The following SEPHS1 variants were observed in gnomAD, a reference collection of about 807,000 sequenced individuals.
SEPHS1 encodes zincore component SEPHS1.
A neutral mutation model predicts 39.2 loss-of-function variants in SEPHS1; 7 were observed. The observed-to-expected ratio is 0.18, with a 90% CI of 0.10 to 0.34. The LOEUF (loss-of-function observed/expected upper bound fraction) is 0.34, where lower values mean the gene tolerates loss of function less well. SEPHS1 is among the 10% of genes least tolerant of loss of function. SEPHS1 has a pLI of 1.00. For synonymous variants in SEPHS1, 190 were observed against 195.5 expected (o/e 0.97, Z 0.23); for missense variants, 253 against 514.5 (o/e 0.49, Z 4.92).
At chr10:13,346,731 AAAAG>A (rs1194226962) in intron 1 of SEPHS1, among the ~76,000 whole-genome samples, 2 of 152,188 alleles carry the variant, frequency 1.3e-5, no homozygotes, top group Non-Finnish European at 2.9e-5. Context: ...AAAAAAAAGA[AAAAG>A]AAAAAATCCA....
intron 7 of SEPHS1, among the ~76,000 whole-genome samples, chr10:13,324,498 A>G (rs1431384050): frequency 6.6e-6 from 1 of 152,264 alleles, no homozygotes; most frequent in Non-Finnish European, 1.5e-5. Context: ...TAGTTTCATA[A>G]GAAACTGCCA....
rs748578475 is a variant in SEPHS1, at chr10:13,338,862, T to C, written c.194-54A>G. On this transcript the variant is annotated intron_variant, in intron 2 of 8. Transcript: ENST00000327347. ...AAAATAAAACGGGAAAGCCATTTCA[T>C]TTTATATCACCAGTGCTCTGAACAG... 3.9e-6 allele frequency: 5 copies of C among 1,279,140 alleles called. No homozygotes were observed. In the East Asian group the frequency reaches 9.2e-5, roughly 24 times the overall value. 79.2% of individuals were successfully genotyped at this position (1,279,140 alleles called of 1,614,324 possible).
At chr10:13,327,710 G>A (rs112278443) in intron 7 of SEPHS1, among the ~76,000 whole-genome samples, 17 of 152,322 alleles carry the variant, frequency 1.1e-4, no homozygotes, top group African/African-American at 4.1e-4. Context: ...GCCTCAGAGG[G>A]CTGGGCCAAG....
intron 5 of SEPHS1, among the ~76,000 whole-genome samples, chr10:13,333,388 C>T (rs956627771): frequency 6.6e-6 from 1 of 151,740 alleles, no homozygotes; most frequent in Non-Finnish European, 1.5e-5. Flanking sequence ...CCGCCTTGGC[C>T]TCCAAAAGCG....
At chr10:13,324,824 G>A (rs578186455) in intron 7 of SEPHS1, among the ~76,000 whole-genome samples, 11 of 152,296 alleles carry the variant, frequency 7.2e-5, no homozygotes, top group Non-Finnish European at 1.3e-4. Context: ...ATGTTGCCCA[G>A]GCTATTCTCA....
chr10:13,326,726 G>T (rs532338756), intron 7 of SEPHS1, among the ~76,000 whole-genome samples: 2 of 152,062 alleles, frequency 1.3e-5, no homozygotes, highest in East Asian at 3.9e-4. Flanking sequence ...ACGAGATGGG[G>T]TCTCACTATG....
intron 7 of SEPHS1, among the ~76,000 whole-genome samples, chr10:13,324,165 T>C (rs1010132482): frequency 3.3e-5 from 5 of 152,238 alleles, no homozygotes; most frequent in African/African-American, 1.2e-4. Flanking sequence ...GTCATGCAGT[T>C]GGAATCCTTC....
chr10:13,325,950 A>ATAATAATAAT (rs1452385888), intron 7 of SEPHS1, among the ~76,000 whole-genome samples: 1 of 61,480 alleles, frequency 1.6e-5, no homozygotes, highest in African/African-American at 5.7e-5. Flanking sequence ...CAGTCTCAAA[A>ATAATAATAAT]AAAAAAAAAA....
At chr10:13,342,603 G>A (rs1438592612) in intron 2 of SEPHS1, among the ~76,000 whole-genome samples, 1 of 152,056 alleles carries the variant, frequency 6.6e-6, no homozygotes, top group African/African-American at 2.4e-5. Flanking sequence ...ACAAAAAAAA[G>A]GTCAAAAACA....
intron 3 of SEPHS1, 114 bp from the exon 4 acceptor site, chr10:13,336,464 G>A: frequency 2.6e-6 from 2 of 763,824 alleles, no homozygotes; most frequent in Non-Finnish European, 4.6e-6. Flanking sequence ...AGGAGTAGCA[G>A]CTACTAGGAT....
intron 8 of SEPHS1, among the ~76,000 whole-genome samples, chr10:13,319,661 G>A (rs1442190705): frequency 6.6e-6 from 1 of 152,128 alleles, no homozygotes; most frequent in Non-Finnish European, 1.5e-5. Flanking sequence ...CTAATTTTCT[G>A]TAGAGACAAG....
intron 3 of SEPHS1, among the ~76,000 whole-genome samples, chr10:13,336,715 G>A (rs2130678738): frequency 6.6e-6 from 1 of 152,348 alleles, no homozygotes; most frequent in Non-Finnish European, 1.5e-5. Flanking sequence ...CTTGGGGGAA[G>A]AGCTATGGAG....
intron 5 of SEPHS1, among the ~76,000 whole-genome samples, chr10:13,332,009 T>G (rs1833486190): frequency 6.6e-6 from 1 of 152,184 alleles, no homozygotes; most frequent in Non-Finnish European, 1.5e-5. Flanking sequence ...TTAAACATAA[T>G]TACCACATGA....
chr10:13,319,418 C>G, intron 8 of SEPHS1, 62 bp from the exon 9 acceptor site: 3 of 1,554,408 alleles, frequency 1.9e-6, no homozygotes, highest in Non-Finnish European at 2.6e-6. Context: ...TCTGCCTCTG[C>G]TGCTTCTGCA....
At chr10:13,324,479 T>C (rs1466987835) in intron 7 of SEPHS1, among the ~76,000 whole-genome samples, 2 of 152,248 alleles carry the variant, frequency 1.3e-5, no homozygotes, top group Non-Finnish European at 2.9e-5. Context: ...CATCATATAA[T>C]AACATATTTA....
intron 1 of SEPHS1, among the ~76,000 whole-genome samples, chr10:13,347,779 GC>G: frequency 2.4e-5 from 1 of 40,972 alleles, no homozygotes; most frequent in East Asian, 7.1e-4. Context: ...CCCCGGCCCC[GC>G]GCGGCGGCGG....
rs577668851 is a variant in SEPHS1, at chr10:13,341,990, A to G, written c.193+2768T>C. 2.6e-3 allele frequency among the ~76,000 whole-genome samples: 377 copies of G among 142,870 alleles called. 1 individual carries two copies. The highest frequency in any genetic ancestry group is 8.1e-3 in the African/African-American group (312 of 38,336). 93.7% of individuals were successfully genotyped at this position (142,870 alleles called of 152,430 possible). A position where few individuals can be genotyped will look rare whatever the true frequency, so the allele number is the denominator to read the frequency against. On this transcript the variant is annotated intron_variant, in intron 2 of 8. Coordinates refer to ENST00000327347, the MANE Select transcript of SEPHS1 (RefSeq NM_012247.5). ...ACTCTATCTCAAGGAAAAAAAAAAAAAAAAGATGGCGGGGCGCGGTGTCTC... is the reference window on the plus strand; with the variant it reads ...ACTCTATCTCAAGGAAAAAAAAAAAGAAAAGATGGCGGGGCGCGGTGTCTC...
chr10:13,341,016 T>C (rs1588547828), intron 2 of SEPHS1, among the ~76,000 whole-genome samples: 1 of 152,394 alleles, frequency 6.6e-6, no homozygotes, highest in East Asian at 1.9e-4. Context: ...TTATATATTG[T>C]GTTAAATAAA....
intron 5 of SEPHS1, 104 bp downstream of exon 5, chr10:13,333,713 C>T (rs2130669047): frequency 8.4e-7 from 1 of 1,191,434 alleles, no homozygotes; most frequent in Non-Finnish European, 1.2e-6. Context: ...AGTCTGGGAT[C>T]ATATGTGTGA....
Sources: gnomAD v4.1 joint callset for allele counts (sites outside exome capture counted in the v4.1 genomes callset) on GRCh38, gnomAD v4.1.1 for gene constraint, MANE v1.5 for transcripts, NCBI Gene and HGNC (gene_info 2026-07-23, HGNC 2026-07-21) for gene names.